ABI3BP: variants seen among roughly 807,000 people sequenced by gnomAD.
The protein encoded by ABI3BP is ABI family member 3 binding protein, also known as target of Nesh-SH3.
In ABI3BP, 216 loss-of-function variants were observed where a neutral mutation model predicts 268.6. The ratio of observed to expected loss-of-function variants is 0.80; its 90% CI spans 0.72 to 0.90. The LOEUF (loss-of-function observed/expected upper bound fraction) is 0.90, where lower values mean the gene tolerates loss of function less well. Among genes scored for constraint, ABI3BP ranks in the 40% least tolerant of loss-of-function variants. ABI3BP has a pLI of 0.00. For synonymous variants in ABI3BP, 730 were observed against 730.0 expected, an observed-to-expected ratio of 1.00 and a Z score of 0.00; for missense variants, 2,090 against 2,182.4, an observed-to-expected ratio of 0.96 and a Z score of 0.84.
intron 42 of ABI3BP, among the ~76,000 whole-genome samples, chr3:100,817,215 T>A (rs1187913376): frequency 6.6e-6 from 1 of 152,214 alleles, no homozygotes; most frequent in African/African-American, 2.4e-5. Context: ...GATTACATGG[T>A]AGACTCTGAA....
intron 4 of ABI3BP, among the ~76,000 whole-genome samples, chr3:100,891,136 A>G (rs1342285120): frequency 6.6e-6 from 1 of 152,130 alleles, no homozygotes; most frequent in African/African-American, 2.4e-5. Context: ...TTCCTAACTC[A>G]ACAGTAGGAT....
At chr3:100,844,534 G>T in intron 20 of ABI3BP, 1 of 874,588 alleles carries the variant, frequency 1.1e-6, no homozygotes, top group Non-Finnish European at 1.4e-6. Context: ...GGCTGGGAAA[G>T]GCCTCAAAAA....
chr3:100,758,634 G>GA (rs1204777338), intron 63 of ABI3BP, among the ~76,000 whole-genome samples: 4 of 151,980 alleles, frequency 2.6e-5, no homozygotes, highest in East Asian at 1.9e-4. Context: ...CACAGGCTAA[G>GA]AAAAAAATGT....
intron 14 of ABI3BP, among the ~76,000 whole-genome samples, chr3:100,861,244 G>A (rs911537719): frequency 6.6e-6 from 1 of 152,108 alleles, no homozygotes; most frequent in African/African-American, 2.4e-5. Context: ...TTAATTTGAT[G>A]TCATCTTCTA....
intron 1 of ABI3BP, chr3:100,952,525 C>T (rs1236525169): frequency 1.3e-5 from 2 of 152,080 alleles, no homozygotes; most frequent in African/African-American, 4.8e-5. Flanking sequence ...GGTATAAAAA[C>T]ACCATGGAAT....
intron 65 of ABI3BP, among the ~76,000 whole-genome samples, chr3:100,753,167 A>C (rs1043616157): frequency 6.6e-6 from 1 of 152,206 alleles, no homozygotes; most frequent in African/African-American, 2.4e-5. Flanking sequence ...TTAGGTGTTG[A>C]ATAGCCTCTG....
chr3:100,816,797 G>A (rs2098064184), intron 42 of ABI3BP, 29 bp from the exon 43 acceptor site: 2 of 1,523,120 alleles, frequency 1.3e-6, no homozygotes, highest in East Asian at 2.4e-5. Context: ...GATTACTCTA[G>A]TGCAGGTGGC....
At position 100,826,122 on chromosome 3, in the gene ABI3BP, A is replaced by C. The variant is rs1017439057; in HGVS notation, c.2603-278T>G. Among the ~76,000 whole-genome samples, 8 of 151,860 alleles carry C rather than the reference A, an allele frequency of 5.3e-5. No homozygotes were observed. In the South Asian group the frequency reaches 8.5e-4, roughly 16 times the overall value. ...ACTTCAACAGGACTGATGGACTCAT[A>C]TGAAAGAGAGACATGAGCTGCACAC... is the stretch of plus-strand genomic sequence containing the variant. On this transcript the variant is annotated intron_variant, in intron 34 of 67. Coordinates refer to ENST00000471714, the MANE Select transcript of ABI3BP (RefSeq NM_001375547.2).
At chr3:100,881,705 T>C (rs998246152) in intron 6 of ABI3BP, among the ~76,000 whole-genome samples, 1 of 151,552 alleles carries the variant, frequency 6.6e-6, no homozygotes. Flanking sequence ...TCATGATAAA[T>C]GTATCTTTTT....
intron 2 of ABI3BP, among the ~76,000 whole-genome samples, chr3:100,920,242 T>C (rs1174665713): frequency 6.6e-6 from 1 of 152,174 alleles, no homozygotes; most frequent in African/African-American, 2.4e-5. Context: ...ACCTAGGCAC[T>C]AACCTCTTAG....
chr3:100,924,995 T>C (rs2061405230), intron 2 of ABI3BP, among the ~76,000 whole-genome samples: 1 of 152,034 alleles, frequency 6.6e-6, no homozygotes, highest in Non-Finnish European at 1.5e-5. Flanking sequence ...TTGAATAGAG[T>C]GGAGACTTCT....
intron 1 of ABI3BP, among the ~76,000 whole-genome samples, chr3:100,943,791 A>G (rs1380403808): frequency 2.0e-5 from 3 of 152,094 alleles, no homozygotes; most frequent in African/African-American, 7.2e-5. Context: ...ACATTTTTAC[A>G]TCTTCCAGTT....
At chr3:100,840,274 C>T in intron 22 of ABI3BP, 110 bp from the exon 23 acceptor site, 2 of 825,784 alleles carry the variant, frequency 2.4e-6, no homozygotes, top group Non-Finnish European at 3.6e-6. Context: ...TTACTGTGGA[C>T]ATGTTTCCAT....
At position 100,796,415 on chromosome 3, in the gene ABI3BP, C is replaced by T. The variant is rs202185024; in HGVS notation, c.3811G>A (p.Glu1271Lys). The T allele has an allele frequency of 4.6e-5, 73 of 1,586,764 alleles. No individual in the cohort carries two copies. The highest frequency in any genetic ancestry group is 5.3e-5 in the Admixed American group (3 of 56,304). Residue 1271 changes from glutamate (E) to lysine (K), a missense_variant, in exon 52 of 68, where the codon GAA becomes AAA. By Grantham distance (56) the Glu-to-Lys change is moderately conservative. Transcript: ENST00000471714. ...GATGAAATAATTAATTTACCAGGTT[C>T]GCTCTGAGAGACCTCAGGGTATGGT... is the stretch of plus-strand genomic sequence containing the variant. Reference protein sequence around the residue: ...HKPYPEVSQSEPVLQPVTFRF... With the variant: ...HKPYPEVSQSKPVLQPVTFRF...
In ABI3BP at chr3:100,780,119, T is replaced by C. The variant is rs1453645326; in HGVS notation, c.4240+13A>G. 6.2e-7 allele frequency: 1 copy of C among 1,612,052 alleles called. No individual in the cohort carries two copies. The highest frequency in any genetic ancestry group is 8.5e-7 in the Non-Finnish European group (1 of 1,178,416). On this transcript the variant is annotated intron_variant, in intron 58 of 67. Transcript: ENST00000471714. ...AGCTGAGCTGTCATAAAAGTCAGCA[T>C]GTTATTACTTACCTGGCTTTTTAGT... is the stretch of plus-strand genomic sequence containing the variant.
intron 20 of ABI3BP, chr3:100,843,809 T>C (rs994108538): frequency 3.0e-6 from 3 of 984,994 alleles, no homozygotes; most frequent in African/African-American, 1.7e-5. Context: ...AACTTCAAGA[T>C]TGTAATTCAT....
intron 1 of ABI3BP, among the ~76,000 whole-genome samples, chr3:100,970,522 A>T (rs1465752382): frequency 1.3e-5 from 2 of 152,196 alleles, no homozygotes; most frequent in African/African-American, 4.8e-5. Flanking sequence ...CCTCTCAAAT[A>T]CATAAAACAA....
At chr3:100,944,816 G>A (rs1490419110) in intron 1 of ABI3BP, among the ~76,000 whole-genome samples, 2 of 152,130 alleles carry the variant, frequency 1.3e-5, no homozygotes, top group Non-Finnish European at 2.9e-5. Flanking sequence ...CAGGGAAATG[G>A]CTAAACTTAT....
chr3:100,779,413 AC>A (rs1477695600), intron 58 of ABI3BP, among the ~76,000 whole-genome samples: 3 of 152,184 alleles, frequency 2.0e-5, no homozygotes, highest in African/African-American at 7.2e-5. Context: ...GTAAACAGGC[AC>A]CTTTTTATAA....
Sources: allele counts gnomAD v4.1 joint callset (sites outside exome capture counted in the v4.1 genomes callset), GRCh38; gene constraint gnomAD v4.1.1; transcripts MANE v1.5; gene names NCBI Gene and HGNC (gene_info 2026-07-23, HGNC 2026-07-21).